Variants in GSE1 observed in about 807,000 individuals in gnomAD.
GSE1 encodes the protein genetic suppressor element 1.
GSE1 carries 32 observed loss-of-function variants against 112.6 expected under a neutral mutation model. The ratio of observed to expected loss-of-function variants is 0.28; its 90% CI spans 0.21 to 0.38. The LOEUF (loss-of-function observed/expected upper bound fraction) is 0.38, where lower values mean the gene tolerates loss of function less well. GSE1 is among the 10% of genes least tolerant of loss of function. GSE1 has a pLI of 1.00. For synonymous variants in GSE1, 1,115 were observed against 735.6 expected (o/e 1.52, Z -8.35); for missense variants, 2,348 against 1,699.2 (o/e 1.38, Z -6.71).
intron 2 of GSE1, among the ~76,000 whole-genome samples, chr16:85,453,954 G>A (rs1362428289): frequency 6.6e-6 from 1 of 152,152 alleles, no homozygotes. Flanking sequence ...CTCCTTGGGT[G>A]AAGCTGCCAG....
intron 1 of GSE1, among the ~76,000 whole-genome samples, chr16:85,627,934 C>T (rs993147046): frequency 1.3e-4 from 20 of 152,214 alleles, no homozygotes; most frequent in South Asian, 2.1e-4. Flanking sequence ...AACACCTGCA[C>T]GGGAGGAGGC....
At chr16:85,590,840 C>G (rs951576305) in intron 1 of GSE1, among the ~76,000 whole-genome samples, 1 of 152,208 alleles carries the variant, frequency 6.6e-6, no homozygotes. Flanking sequence ...TGGGACCCCT[C>G]TTTTCCGTCC....
chr16:85,659,572 T>C (rs1288492264), intron 8 of GSE1: 1 of 152,052 alleles, frequency 6.6e-6, no homozygotes, highest in Non-Finnish European at 1.5e-5. Context: ...CCAGGGCAGG[T>C]CGGAAATGGA....
chr16:85,500,482 G>T (rs564923159), intron 2 of GSE1, among the ~76,000 whole-genome samples: 22 of 152,338 alleles, frequency 1.4e-4, no homozygotes, highest in African/African-American at 5.1e-4. Context: ...CTAATAAACA[G>T]GCGCATTTGT....
intron 2 of GSE1, among the ~76,000 whole-genome samples, chr16:85,501,999 G>A (rs890415131): frequency 6.6e-6 from 1 of 152,226 alleles, no homozygotes; most frequent in African/African-American, 2.4e-5. Flanking sequence ...AGGCTCAGCC[G>A]GGGAGCCAGA....
intron 2 of GSE1, among the ~76,000 whole-genome samples, chr16:85,508,640 C>T (rs1041154647): frequency 2.6e-5 from 4 of 152,162 alleles, no homozygotes; most frequent in Non-Finnish European, 5.9e-5. Flanking sequence ...GGAGGTGCCT[C>T]GTGGACACGT....
At chr16:85,220,661 CGCTTTGTCTCTGTCTT>C (rs2075375123) in intron 1 of GSE1, among the ~76,000 whole-genome samples, 1 of 152,206 alleles carries the variant, frequency 6.6e-6, no homozygotes, top group African/African-American at 2.4e-5. Context: ...TGGCCCGTCT[CGCTTTGTCTCTGTCTT>C]GCTGCCTGGA....
chr16:85,500,010 C>T (rs962954990), intron 2 of GSE1, among the ~76,000 whole-genome samples: 1 of 152,220 alleles, frequency 6.6e-6, no homozygotes, highest in African/African-American at 2.4e-5. Flanking sequence ...CAAACAGACA[C>T]ACAAGTGGGA....
chr16:85,302,397 T>A (rs1354439707), intron 1 of GSE1, among the ~76,000 whole-genome samples: 1 of 151,980 alleles, frequency 6.6e-6, no homozygotes, highest in Non-Finnish European at 1.5e-5. Flanking sequence ...GAATCTCTTG[T>A]CGGCCCAGTT....
At chr16:85,270,588 C>G (rs58113118) in intron 1 of GSE1, among the ~76,000 whole-genome samples, 11 of 148,828 alleles carry the variant, frequency 7.4e-5, no homozygotes, top group African/African-American at 2.2e-4. Flanking sequence ...AATCAAAGCT[C>G]TCGGGCTGTT....
chr16:85,515,965 G>A (rs912623093), intron 2 of GSE1, among the ~76,000 whole-genome samples: 3 of 152,190 alleles, frequency 2.0e-5, no homozygotes, highest in African/African-American at 7.2e-5. Context: ...TTGGGCAGGG[G>A]GCAAGCAGGG....
chr16:85,495,846 A>G (rs1203147498), intron 2 of GSE1, among the ~76,000 whole-genome samples: 1 of 152,140 alleles, frequency 6.6e-6, no homozygotes, highest in African/African-American at 2.4e-5. Flanking sequence ...GGCCTAATCA[A>G]GGCCTCCAGG....
At chr16:85,555,497 C>T, upstream of GSE1, 1 of 985,086 alleles carries the variant, frequency 1.0e-6, no homozygotes, top group Non-Finnish European at 1.2e-6. Context: ...CTTTTATTTA[C>T]GAGAAGAAAT....
At chr16:85,393,747 G>T (rs1461738566) in intron 2 of GSE1, among the ~76,000 whole-genome samples, 1 of 152,234 alleles carries the variant, frequency 6.6e-6, no homozygotes, top group African/African-American at 2.4e-5. Context: ...TAGGGGCCCA[G>T]TCCAGAATGA....
rs1436414840 is a variant in GSE1 at position 85,661,236 on chromosome 16, C to G, written c.1731C>G (p.Leu577=). The change falls in exon 9 of 16, where the codon CTC becomes CTG. Residue 577 remains leucine (L), a synonymous_variant. Coordinates refer to ENST00000253458, the MANE Select transcript of GSE1 (RefSeq NM_014615.5). The part of the protein sequence containing the change: ...PPPLISPKPQ[L]HAAPTALWNP... Reference sequence around the variant, plus strand: ...CTCTGATTTCGCCCAAGCCCCAGCTCCATGCTGCACCCACGGCCCTCTGGA... The same window carrying G: ...CTCTGATTTCGCCCAAGCCCCAGCTGCATGCTGCACCCACGGCCCTCTGGA... 1 of 1,612,698 alleles carries G rather than the reference C, an allele frequency of 6.2e-7. No individual in the cohort carries two copies. The highest frequency in any genetic ancestry group is 8.5e-7 in the Non-Finnish European group (1 of 1,179,776).
chr16:85,542,269 C>G (rs1220382350), intron 2 of GSE1, among the ~76,000 whole-genome samples: 2 of 152,200 alleles, frequency 1.3e-5, no homozygotes, highest in Non-Finnish European at 2.9e-5. Flanking sequence ...CTTTGGAAAC[C>G]CGTTCTGTTT....
intron 1 of GSE1, among the ~76,000 whole-genome samples, chr16:85,190,171 T>C (rs1050496098): frequency 6.6e-6 from 1 of 152,244 alleles, no homozygotes; most frequent in African/African-American, 2.4e-5. Context: ...TTTCTCTCTA[T>C]CACCTGCCCC....
intron 1 of GSE1, among the ~76,000 whole-genome samples, chr16:85,199,487 C>T (rs774939609): frequency 3.3e-5 from 5 of 152,194 alleles, no homozygotes; most frequent in Non-Finnish European, 7.3e-5. Flanking sequence ...TAAACACCCT[C>T]TCCAAGAATA....
rs375867447 is a variant in GSE1 at position 85,412,900 on chromosome 16, G to A, written c.2464+55257G>A. ...GACAGGGACATCTTTTCAGGGGGCC[G>A]TGATCCAGCCCACCCCAGCCCCTGT... On this transcript the variant is annotated intron_variant, in intron 2 of 2. Coordinates refer to the GSE1 transcript ENST00000637419. Among the ~76,000 whole-genome samples, 7 of 152,330 alleles carry A rather than the reference G, an allele frequency of 4.6e-5. No individual in the cohort carries two copies. The East Asian group carries it at 7.7e-4, about 17-fold the overall frequency.
Sources: gnomAD v4.1 joint callset for allele counts (sites outside exome capture counted in the v4.1 genomes callset) on GRCh38, gnomAD v4.1.1 for gene constraint, MANE v1.5 for transcripts, NCBI Gene and HGNC (gene_info 2026-07-23, HGNC 2026-07-21) for gene names.